Variants in NDUFS4 observed in about 807,000 individuals in gnomAD.
NDUFS4 encodes the protein NADH dehydrogenase [ubiquinone] iron-sulfur protein 4, mitochondrial.
A neutral mutation model predicts 24.3 loss-of-function variants in NDUFS4; 28 were observed. That is an observed-to-expected ratio of 1.15 (90% CI 0.85 to 1.58). The LOEUF (loss-of-function observed/expected upper bound fraction) is 1.58, where lower values mean the gene tolerates loss of function less well. NDUFS4 is among the 40% of genes most tolerant of loss of function. NDUFS4 has a pLI of 0.00. For missense variants in NDUFS4, 223 were observed against 207.9 expected, an observed-to-expected ratio of 1.07 and a Z score of -0.45; for synonymous variants, 93 against 69.7, an observed-to-expected ratio of 1.34 and a Z score of -1.67.
At chr5:53,602,124 G>A (rs1428547646) in intron 1 of NDUFS4, among the ~76,000 whole-genome samples, 1 of 152,106 alleles carries the variant, frequency 6.6e-6, no homozygotes, top group African/African-American at 2.4e-5. Flanking sequence ...AGATTCTCAT[G>A]AGTTCACTTA....
At chr5:53,647,804 C>T (rs1156990674) in intron 3 of NDUFS4, among the ~76,000 whole-genome samples, 2 of 152,160 alleles carry the variant, frequency 1.3e-5, no homozygotes, top group African/African-American at 4.8e-5. Flanking sequence ...TATTCAACAT[C>T]ATTGCCTGTT....
intron 1 of NDUFS4, among the ~76,000 whole-genome samples, chr5:53,602,233 A>G (rs1750344327): frequency 6.6e-6 from 1 of 152,228 alleles, no homozygotes; most frequent in Non-Finnish European, 1.5e-5. Flanking sequence ...CCAAAATAAA[A>G]TAGGTATTAA....
rs762365302 is a variant in NDUFS4 at position 53,626,324 on chromosome 5, G to A, written c.178-19909G>A. ...GGGTTGGTTCCAAGTCTTTGCTGTC[G>A]TGAACACTGCCGCAATAAACATGTG... On this transcript the variant is annotated intron_variant, in intron 2 of 4. Coordinates refer to ENST00000296684, the MANE Select transcript of NDUFS4 (RefSeq NM_002495.4). Among the ~76,000 whole-genome samples, 103 of 152,014 alleles carry A rather than the reference G, an allele frequency of 6.8e-4. 1 individual carries two copies. Among genetic ancestry groups the A allele is most frequent in the Non-Finnish European group, 2.1e-4 (14 of 68,018 alleles).
chr5:53,560,793 C>T (rs1181793320), intron 1 of NDUFS4, 33 bp downstream of exon 1: 2 of 1,613,656 alleles, frequency 1.2e-6, no homozygotes, highest in Non-Finnish European at 1.7e-6. Flanking sequence ...CTTCAAGCTT[C>T]TTGGGTCCCT....
intron 1 of NDUFS4, among the ~76,000 whole-genome samples, chr5:53,571,427 AT>A (rs1250639235): frequency 6.6e-6 from 1 of 152,172 alleles, no homozygotes; most frequent in Non-Finnish European, 1.5e-5. Context: ...ACCACATTTT[AT>A]TTTTGAGGGA....
At chr5:53,677,508 C>T (rs256093) in intron 4 of NDUFS4, among the ~76,000 whole-genome samples, 30,862 of 151,776 alleles carry the variant, frequency 0.2, 3,654 homozygotes, top group East Asian at 0.47. Context: ...AACCATTTAC[C>T]CCCTACTGTA....
At chr5:53,582,565 A>G (rs1749606310) in intron 1 of NDUFS4, among the ~76,000 whole-genome samples, 1 of 152,234 alleles carries the variant, frequency 6.6e-6, no homozygotes, top group Non-Finnish European at 1.5e-5. Flanking sequence ...CAAACTCCAC[A>G]CAGATAGTAT....
At chr5:53,580,460 G>A (rs1197815130) in intron 1 of NDUFS4, among the ~76,000 whole-genome samples, 1 of 152,152 alleles carries the variant, frequency 6.6e-6, no homozygotes, top group African/African-American at 2.4e-5. Context: ...ATTTGCAGTT[G>A]TTGCCTAACA....
At chr5:53,657,129 C>G (rs191901948) in intron 3 of NDUFS4, among the ~76,000 whole-genome samples, 1 of 152,240 alleles carries the variant, frequency 6.6e-6, no homozygotes, top group African/African-American at 2.4e-5. Context: ...TGTCTTGTTT[C>G]TTATTCTCAA....
chr5:53,584,819 G>T (rs2112432926), intron 1 of NDUFS4, among the ~76,000 whole-genome samples: 1 of 152,130 alleles, frequency 6.6e-6, no homozygotes, highest in Non-Finnish European at 1.5e-5. Context: ...CCAAGGTGGA[G>T]TGCTGTGGCG....
chr5:53,620,308 C>T (rs1172758718), intron 2 of NDUFS4, among the ~76,000 whole-genome samples: 1 of 151,890 alleles, frequency 6.6e-6, no homozygotes, highest in Non-Finnish European at 1.5e-5. Context: ...CAAATTCTAC[C>T]TAATAGATAA....
intron 2 of NDUFS4, among the ~76,000 whole-genome samples, chr5:53,617,679 A>G (rs562401258): frequency 6.6e-6 from 1 of 152,288 alleles, no homozygotes; most frequent in South Asian, 2.1e-4. Flanking sequence ...CCACCCTCTA[A>G]GCACTTTTTT....
At chr5:53,609,514 T>C (rs1444101967) in intron 2 of NDUFS4, among the ~76,000 whole-genome samples, 3 of 152,162 alleles carry the variant, frequency 2.0e-5, no homozygotes, top group Non-Finnish European at 2.9e-5. Flanking sequence ...GCAGAAGAGA[T>C]TTAGCATAAT....
At chr5:53,575,096 A>G (rs1749340393) in intron 1 of NDUFS4, among the ~76,000 whole-genome samples, 1 of 152,204 alleles carries the variant, frequency 6.6e-6, no homozygotes, top group African/African-American at 2.4e-5. Flanking sequence ...AAAGAGAAGA[A>G]AATGGGGATT....
intron 4 of NDUFS4, among the ~76,000 whole-genome samples, chr5:53,681,244 C>T (rs1259440768): frequency 2.6e-5 from 4 of 152,118 alleles, no homozygotes; most frequent in African/African-American, 9.7e-5. Context: ...GATTCTGCCC[C>T]TTCTTTGCTG....
rs571429136 is a variant in NDUFS4, at chr5:53,560,734, C to A, written c.72C>A (p.Ala24=). The change falls in exon 1 of 5, where the codon GCC becomes GCA. Residue 24 remains alanine, a synonymous_variant. Coordinates refer to ENST00000296684, the MANE Select transcript of NDUFS4 (RefSeq NM_002495.4). ...GGAGAAGGGCAGTGGCTGTAGCTGCCCTTTCCGTTTCCAGGGTTCCGACCA... is the reference window on the plus strand; with the variant it reads ...GGAGAAGGGCAGTGGCTGTAGCTGCACTTTCCGTTTCCAGGGTTCCGACCA... ...LWRRRAVAVA[A]LSVSRVPTRS... is the part of the protein sequence containing the mutation. The A allele has an allele frequency of 1.9e-6, 3 of 1,614,202 alleles. No homozygotes were observed. In the African/African-American group the frequency reaches 4.0e-5, roughly 22 times the overall value.
intron 2 of NDUFS4, among the ~76,000 whole-genome samples, chr5:53,605,728 C>T (rs1341732080): frequency 6.6e-6 from 1 of 152,026 alleles, no homozygotes; most frequent in East Asian, 1.9e-4. Flanking sequence ...TAAAGAAATA[C>T]CTGAGGTGGG....
At chr5:53,681,284 C>G (rs1740655744) in intron 4 of NDUFS4, among the ~76,000 whole-genome samples, 1 of 152,144 alleles carries the variant, frequency 6.6e-6, no homozygotes, top group Non-Finnish European at 1.5e-5. Context: ...CCTAACCTCT[C>G]TGAGCCTCAG....
chr5:53,570,168 C>T (rs1749162365), intron 1 of NDUFS4, among the ~76,000 whole-genome samples: 1 of 152,148 alleles, frequency 6.6e-6, no homozygotes, highest in South Asian at 2.1e-4. Flanking sequence ...TTCATTACCC[C>T]AAGACTCCCT....
Sources: gnomAD v4.1 joint callset for allele counts (sites outside exome capture counted in the v4.1 genomes callset) on GRCh38, gnomAD v4.1.1 for gene constraint, MANE v1.5 for transcripts, NCBI Gene and HGNC (gene_info 2026-07-23, HGNC 2026-07-21) for gene names.